The following DPY19L1 variants were observed in gnomAD, a reference collection of about 807,000 sequenced individuals.
The protein encoded by DPY19L1 is protein C-mannosyl-transferase DPY19L1.
In DPY19L1, 35 loss-of-function variants were observed where a neutral mutation model predicts 96.9. The ratio of observed to expected loss-of-function variants is 0.36; its 90% CI spans 0.28 to 0.48. DPY19L1 has a LOEUF of 0.48. DPY19L1 is among the 20% of genes least tolerant of loss of function. DPY19L1 has a pLI of 0.99. For missense variants in DPY19L1, 521 were observed against 777.9 expected (o/e 0.67, Z 3.93); for synonymous variants, 205 against 252.6 (o/e 0.81, Z 1.79).
chr7:34,933,487 T>C (rs912344115), intron 21 of DPY19L1, among the ~76,000 whole-genome samples: 1 of 151,992 alleles, frequency 6.6e-6, no homozygotes, highest in Non-Finnish European at 1.5e-5. Flanking sequence ...GTCAACTTGA[T>C]TGGATTGAAG....
At chr7:34,984,571 T>C (rs1349211701) in intron 7 of DPY19L1, among the ~76,000 whole-genome samples, 1 of 152,230 alleles carries the variant, frequency 6.6e-6, no homozygotes, top group Non-Finnish European at 1.5e-5. Context: ...TCAGCAGATA[T>C]GCTGCTAAGA....
At chr7:35,016,074 A>C (rs1196253702) in intron 3 of DPY19L1, among the ~76,000 whole-genome samples, 3 of 148,396 alleles carry the variant, frequency 2.0e-5, no homozygotes, top group African/African-American at 7.4e-5. Context: ...CTTTAAAAAA[A>C]TTTTTGTAGC....
intron 14 of DPY19L1, among the ~76,000 whole-genome samples, chr7:34,948,179 T>C (rs1220922371): frequency 6.6e-6 from 1 of 151,208 alleles, no homozygotes; most frequent in South Asian, 2.1e-4. Context: ...AGAAAAAAAA[T>C]AGAAATAAGT....
In DPY19L1 at chr7:34,989,947, AAAG is replaced by A. The variant is rs769901926; in HGVS notation, c.765-9_765-7del. 2.3e-5 allele frequency: 37 copies of A among 1,606,788 alleles called. No individual in the cohort carries two copies. The highest frequency in any genetic ancestry group is 2.9e-5 in the Non-Finnish European group (34 of 1,177,812). On this transcript the variant is annotated splice_region_variant and splice_polypyrimidine_tract_variant and intron_variant, in intron 6 of 21. Transcript: ENST00000638088. ...GGCCTCCTAATCGGCTGCCACTGGAAAAGAAGAAAACATAACTCAAATAACAAA... is the reference window on the plus strand; with the variant it reads ...GGCCTCCTAATCGGCTGCCACTGGAAAAGAAAACATAACTCAAATAACAAA...
intron 7 of DPY19L1, among the ~76,000 whole-genome samples, chr7:34,984,448 A>G (rs539203895): frequency 1.2e-4 from 18 of 152,352 alleles, no homozygotes; most frequent in East Asian, 1.2e-3. Context: ...GAAGCAAAGC[A>G]ATCAAAAATA....
intron 1 of DPY19L1, among the ~76,000 whole-genome samples, chr7:35,025,035 A>T (rs1482058622): frequency 3.3e-5 from 5 of 152,256 alleles, no homozygotes; most frequent in African/African-American, 9.6e-5. Flanking sequence ...TATTTGAAGC[A>T]TTCCCATTAC....
chr7:34,978,340 G>A (rs534060172), intron 7 of DPY19L1, among the ~76,000 whole-genome samples: 1 of 152,172 alleles, frequency 6.6e-6, no homozygotes, highest in Admixed American at 6.5e-5. Context: ...TTTCTATACT[G>A]ATTATACTAT....
intron 7 of DPY19L1, among the ~76,000 whole-genome samples, chr7:34,974,597 T>C (rs930825666): frequency 1.3e-5 from 2 of 152,164 alleles, no homozygotes; most frequent in East Asian, 1.9e-4. Flanking sequence ...ATTGAAAAGG[T>C]CCCCTGATAA....
intron 11 of DPY19L1, among the ~76,000 whole-genome samples, chr7:34,955,791 T>A (rs1042554184): frequency 4.6e-5 from 7 of 152,186 alleles, no homozygotes; most frequent in African/African-American, 1.7e-4. Flanking sequence ...CTCTGAAGTA[T>A]TTTCAGGTGG....
chr7:34,961,830 T>G (rs1439652906), intron 10 of DPY19L1, among the ~76,000 whole-genome samples: 2 of 151,920 alleles, frequency 1.3e-5, no homozygotes, highest in Non-Finnish European at 2.9e-5. Flanking sequence ...AATAGACACT[T>G]CACCAAAAAA....
intron 6 of DPY19L1, among the ~76,000 whole-genome samples, chr7:34,998,499 G>C (rs2128674734): frequency 6.6e-6 from 1 of 152,324 alleles, no homozygotes; most frequent in South Asian, 2.1e-4. Flanking sequence ...TCATGCATAA[G>C]TGTCTGCATA....
In DPY19L1 at chr7:35,037,145, C is replaced by T. The variant is rs1446164710; in HGVS notation, c.250G>A (p.Gly84Ser). The T allele has an allele frequency of 5.3e-6, 1 of 190,314 alleles. No homozygotes were observed. Among genetic ancestry groups the T allele is most frequent in the Middle Eastern group, 1.8e-3 (1 of 560 alleles). 11.8% of individuals were successfully genotyped at this position (190,314 alleles called of 1,614,324 possible). A position where few individuals can be genotyped will look rare whatever the true frequency, so the allele number is the denominator to read the frequency against. The change falls in exon 1 of 22, where the codon GGC becomes AGC. Residue 84 changes from glycine to serine, a missense_variant. By Grantham distance (56) the Gly-to-Ser change is moderately conservative. Coordinates refer to ENST00000638088, the MANE Select transcript of DPY19L1 (RefSeq NM_001366673.1). ...RLAARLRWALGLRRAGRGRTW... is the reference protein window; with the variant it reads ...RLAARLRWALSLRRAGRGRTW... ...CGGCCGCGCCCCGCGCGCCGCAGGC[C>T]CAGCGCCCAGCGCAGCCGGGCGGCC...
intron 11 of DPY19L1, among the ~76,000 whole-genome samples, chr7:34,955,839 A>T (rs1057194594): frequency 1.3e-5 from 2 of 152,190 alleles, no homozygotes; most frequent in African/African-American, 4.8e-5. Flanking sequence ...GGGAGCTAAA[A>T]CTACTTCAAA....
chr7:34,959,598 G>A (rs1784448653), intron 10 of DPY19L1, among the ~76,000 whole-genome samples: 1 of 151,724 alleles, frequency 6.6e-6, no homozygotes, highest in South Asian at 2.1e-4. Context: ...ATAACTGTCA[G>A]CAAACTAACA....
chr7:34,984,300 A>G (rs765727816), intron 7 of DPY19L1, among the ~76,000 whole-genome samples: 85 of 152,308 alleles, frequency 5.6e-4, no homozygotes, highest in South Asian at 4.1e-4. Context: ...AAGGATGACT[A>G]GGCGTTAATT....
chr7:34,961,061 G>A (rs776949828), intron 10 of DPY19L1, among the ~76,000 whole-genome samples: 7 of 152,146 alleles, frequency 4.6e-5, no homozygotes, highest in Non-Finnish European at 1.0e-4. Flanking sequence ...TGTACAGGAA[G>A]ATTCCATATT....
At chr7:35,014,431 CGG>C (rs1785791734) in intron 3 of DPY19L1, among the ~76,000 whole-genome samples, 2 of 151,616 alleles carry the variant, frequency 1.3e-5, no homozygotes, top group Admixed American at 6.6e-5. Context: ...AGAAGCCTAA[CGG>C]AGAGTCTAAG....
At chr7:35,028,945 T>C (rs1786195935) in intron 1 of DPY19L1, among the ~76,000 whole-genome samples, 1 of 152,170 alleles carries the variant, frequency 6.6e-6, no homozygotes, top group African/African-American at 2.4e-5. Flanking sequence ...TTACAGTTAG[T>C]GTATAATGAG....
At chr7:34,932,952 G>T (rs778717986) in intron 21 of DPY19L1, among the ~76,000 whole-genome samples, 1 of 151,984 alleles carries the variant, frequency 6.6e-6, no homozygotes, top group Admixed American at 6.6e-5. Context: ...GGCAAACACC[G>T]TAGCAGGTAT....
Sources: gnomAD v4.1 joint callset for allele counts (sites outside exome capture counted in the v4.1 genomes callset) on GRCh38, gnomAD v4.1.1 for gene constraint, MANE v1.5 for transcripts, NCBI Gene and HGNC (gene_info 2026-07-23, HGNC 2026-07-21) for gene names.